The following RPRD1A variants were observed in gnomAD, a reference collection of about 807,000 sequenced individuals.
RPRD1A encodes the protein regulation of nuclear pre-mRNA domain containing 1A, also known as regulation of nuclear pre-mRNA domain-containing protein 1A.
RPRD1A carries 9 observed loss-of-function variants against 37.8 expected under a neutral mutation model. That is an observed-to-expected ratio of 0.24 (90% confidence interval 0.14 to 0.42). The LOEUF (loss-of-function observed/expected upper bound fraction) is 0.42, where lower values mean the gene tolerates loss of function less well. RPRD1A is among the 10% of genes least tolerant of loss of function. The pLI is 1.00. For synonymous variants in RPRD1A, 138 were observed against 139.7 expected (o/e 0.99, Z 0.08); for missense variants, 255 against 371.0 (o/e 0.69, Z 2.57).
chr18:35,996,729 G>A (rs963708926), intron 6 of RPRD1A, among the ~76,000 whole-genome samples: 1 of 152,054 alleles, frequency 6.6e-6, no homozygotes, highest in Non-Finnish European at 1.5e-5. Flanking sequence ...TATAATCCCA[G>A]CATTTTGAGG....
intron 1 of RPRD1A, among the ~76,000 whole-genome samples, chr18:36,034,263 T>C (rs773858276): frequency 3.3e-5 from 5 of 152,198 alleles, no homozygotes; most frequent in Non-Finnish European, 5.9e-5. Context: ...TTGAAAGAGA[T>C]GTCCCTTCAA....
chr18:36,061,058 TCAGCA>T (rs1357280481), intron 1 of RPRD1A, among the ~76,000 whole-genome samples: 1 of 151,952 alleles, frequency 6.6e-6, no homozygotes, highest in Non-Finnish European at 1.5e-5. Context: ...ATGTATCACC[TCAGCA>T]CTTTCACATA....
At chr18:36,052,270 T>C (rs554834260) in intron 1 of RPRD1A, among the ~76,000 whole-genome samples, 1 of 151,852 alleles carries the variant, frequency 6.6e-6, no homozygotes, top group South Asian at 2.1e-4. Flanking sequence ...AGTTTGTTAC[T>C]AGTAAACCTG....
At chr18:36,042,228 C>T (rs1912632993) in intron 1 of RPRD1A, among the ~76,000 whole-genome samples, 1 of 152,082 alleles carries the variant, frequency 6.6e-6, no homozygotes, top group African/African-American at 2.4e-5. Flanking sequence ...GTTAGGCAGC[C>T]CTGAGATGCT....
At chr18:36,008,581 A>ATG (rs1909951728) in intron 6 of RPRD1A, among the ~76,000 whole-genome samples, 5 of 25,086 alleles carry the variant, frequency 2.0e-4, no homozygotes, top group South Asian at 2.0e-3. Flanking sequence ...GTGTGTGTAT[A>ATG]TATATATATC....
chr18:36,060,578 G>T (rs920297203), intron 1 of RPRD1A, among the ~76,000 whole-genome samples: 6 of 152,088 alleles, frequency 3.9e-5, no homozygotes, highest in South Asian at 2.1e-4. Context: ...TTAATTCAAC[G>T]AATATTTAAA....
intron 1 of RPRD1A, among the ~76,000 whole-genome samples, chr18:36,038,175 G>A (rs1013586216): frequency 4.6e-5 from 7 of 152,234 alleles, no homozygotes; most frequent in South Asian, 2.1e-4. Context: ...TGGGGAAAAC[G>A]TCTCCAGGGC....
chr18:36,001,779 T>C (rs1909433365), intron 6 of RPRD1A, among the ~76,000 whole-genome samples: 1 of 152,200 alleles, frequency 6.6e-6, no homozygotes, highest in Non-Finnish European at 1.5e-5. Context: ...ATGTACCGAA[T>C]ATAGTTAGGC....
chr18:36,025,544 G>C, intron 6 of RPRD1A: 1 of 860,244 alleles, frequency 1.2e-6, no homozygotes, highest in South Asian at 1.5e-5. Context: ...GTATAAAGCA[G>C]AATAAAGTTA....
chr18:36,041,022 A>T (rs1458250970), intron 1 of RPRD1A, among the ~76,000 whole-genome samples: 4 of 152,214 alleles, frequency 2.6e-5, no homozygotes, highest in African/African-American at 4.8e-5. Context: ...ATACTACTAC[A>T]TTAAGTATTC....
chr18:36,005,455 A>G (rs1249518654), intron 6 of RPRD1A, among the ~76,000 whole-genome samples: 1 of 152,168 alleles, frequency 6.6e-6, no homozygotes, highest in Non-Finnish European at 1.5e-5. Flanking sequence ...TATTTTCCAA[A>G]TTTTCTCTAA....
At chr18:36,040,982 A>G in intron 1 of RPRD1A, 1 of 579,440 alleles carries the variant, frequency 1.7e-6, no homozygotes, top group Admixed American at 3.7e-5. Flanking sequence ...AGGTGGAAAA[A>G]AAGAATTCCC....
rs1911999508 is a variant in RPRD1A, at chr18:36,033,927, A to C, written c.152-90T>G. On this transcript the variant is annotated intron_variant, in intron 1 of 6. Coordinates refer to ENST00000399022, the MANE Select transcript of RPRD1A (RefSeq NM_018170.5). ...ACCTAAATTAAGCATTTTGAGAACT[A>C]AAATAACCCTACTAACCTTTATGTA... 2.8e-6 allele frequency: 3 copies of C among 1,080,560 alleles called. No homozygotes were observed. In the South Asian group the frequency reaches 4.8e-5, roughly 17 times the overall value. 66.9% of individuals were successfully genotyped at this position (1,080,560 alleles called of 1,614,324 possible). A position where few individuals can be genotyped will look rare whatever the true frequency, so the allele number is the denominator to read the frequency against.
chr18:36,030,358 C>G (rs1428412627), intron 4 of RPRD1A, among the ~76,000 whole-genome samples: 1 of 151,430 alleles, frequency 6.6e-6, no homozygotes, highest in Non-Finnish European at 1.5e-5. Flanking sequence ...TGGCCCGTGC[C>G]TGTAGTCTCA....
At chr18:36,060,280 A>G (rs975400215) in intron 1 of RPRD1A, among the ~76,000 whole-genome samples, 1 of 152,040 alleles carries the variant, frequency 6.6e-6, no homozygotes, top group African/African-American at 2.4e-5. Flanking sequence ...AAAATACAAA[A>G]AAATTAGCCA....
chr18:36,008,577 G>GTGTGTGTATGTA lies in RPRD1A; in HGVS notation c.790-15278_790-15277insTACATACACACA. Among the ~76,000 whole-genome samples, 39 of 47,796 alleles carry GTGTGTGTATGTA rather than the reference G, an allele frequency of 8.2e-4. 4 individuals are homozygous for GTGTGTGTATGTA. The highest frequency in any genetic ancestry group is 2.6e-3 in the African/African-American group (39 of 14,806). The allele number at this position is 47,796 out of a possible 152,430, so 31.4% of individuals were successfully genotyped here. ...GGCGACACAGCAAGACCTTGTGTGT[G>GTGTGTGTATGTA]TATATATATATATCTTTAAAAATCT... On this transcript the variant is annotated intron_variant, in intron 6 of 6. Coordinates refer to ENST00000399022, the MANE Select transcript of RPRD1A (RefSeq NM_018170.5).
chr18:36,056,455 A>G (rs148002927), intron 1 of RPRD1A, among the ~76,000 whole-genome samples: 1,774 of 151,932 alleles, frequency 0.012, 41 homozygotes, highest in African/African-American at 0.04. Context: ...ACCCAGCTAA[A>G]TTTTGTATTT....
At chr18:36,026,829 A>T in intron 6 of RPRD1A, 71 bp downstream of exon 6, 1 of 1,430,130 alleles carries the variant, frequency 7.0e-7, no homozygotes, top group South Asian at 1.4e-5. Flanking sequence ...CACATAGATT[A>T]AAATATTTTA....
chr18:36,021,817 T>G (rs781508214), intron 6 of RPRD1A, among the ~76,000 whole-genome samples: 1 of 152,108 alleles, frequency 6.6e-6, no homozygotes, highest in African/African-American at 2.4e-5. Flanking sequence ...TTGGGCAACA[T>G]AGTGAGACCC....
Sources: gnomAD v4.1 joint callset for allele counts (sites outside exome capture counted in the v4.1 genomes callset) on GRCh38, gnomAD v4.1.1 for gene constraint, MANE v1.5 for transcripts, NCBI Gene and HGNC (gene_info 2026-07-23, HGNC 2026-07-21) for gene names.